The following CHCHD3 variants were observed in gnomAD, a reference collection of about 807,000 sequenced individuals.
CHCHD3 encodes the protein coiled-coil-helix-coiled-coil-helix domain containing 3.
Under a neutral mutation model 38.2 loss-of-function variants are expected in CHCHD3, and 20 were observed. The observed-to-expected ratio is 0.52, with a 90% confidence interval of 0.37 to 0.76. The LOEUF (loss-of-function observed/expected upper bound fraction) is 0.76, where lower values mean the gene tolerates loss of function less well. Among genes scored for constraint, CHCHD3 ranks in the 30% least tolerant of loss-of-function variants. CHCHD3 has a pLI of 0.00. For synonymous variants in CHCHD3, 82 were observed against 100.0 expected (o/e 0.82, Z 1.07); for missense variants, 245 against 279.2 (o/e 0.88, Z 0.87).
chr7:132,909,103 G>A (rs774955894), intron 4 of CHCHD3, among the ~76,000 whole-genome samples: 10 of 152,074 alleles, frequency 6.6e-5, no homozygotes, highest in East Asian at 1.9e-4. Context: ...CTGCCACACC[G>A]TGAAGAAGGA....
chr7:132,846,923 G>T (rs1442888397), intron 5 of CHCHD3, among the ~76,000 whole-genome samples: 1 of 152,224 alleles, frequency 6.6e-6, no homozygotes, highest in African/African-American at 2.4e-5. Context: ...TACAGTAACA[G>T]TTGAAGCTCG....
chr7:132,791,416 T>G lies in CHCHD3; in HGVS notation c.660+5026A>C, dbSNP rs188644198. 5.3e-5 allele frequency among the ~76,000 whole-genome samples: 8 copies of G among 152,308 alleles called. No homozygotes were observed. In the East Asian group the frequency reaches 1.5e-3, roughly 29 times the overall value. On this transcript the variant is annotated intron_variant, in intron 7 of 7. Transcript: ENST00000262570. ...TGCACATGAAAAAAATGAGGTTGGG[T>G]TATATGATCTCTAGGGTCCTTTTAG...
chr7:133,053,818 T>C (rs1293082137), intron 2 of CHCHD3, among the ~76,000 whole-genome samples: 2 of 152,244 alleles, frequency 1.3e-5, no homozygotes, highest in Non-Finnish European at 2.9e-5. Context: ...GTTAACTGCA[T>C]GATAAATACC....
intron 6 of CHCHD3, among the ~76,000 whole-genome samples, chr7:132,835,618 A>G (rs1468839203): frequency 6.6e-6 from 1 of 152,158 alleles, no homozygotes; most frequent in African/African-American, 2.4e-5. Context: ...AGATTTTTGC[A>G]TCTAAAATCC....
intron 5 of CHCHD3, among the ~76,000 whole-genome samples, chr7:132,844,601 T>G (rs1456146954): frequency 1.3e-5 from 2 of 152,220 alleles, no homozygotes; most frequent in African/African-American, 4.8e-5. Flanking sequence ...AATTTCTTTC[T>G]TTAAAACAGA....
Position 133,002,594 on chromosome 7 carries a change from T to TA in CHCHD3, c.251+21951dup, listed in dbSNP as rs992226453. Among the ~76,000 whole-genome samples, 514 of 145,458 alleles carry TA rather than the reference T, an allele frequency of 3.5e-3. 4 individuals are homozygous for TA. Among genetic ancestry groups the TA allele is most frequent in the African/African-American group, 0.011 (419 of 39,890 alleles). On this transcript the variant is annotated intron_variant, in intron 3 of 7. Coordinates refer to ENST00000262570, the MANE Select transcript of CHCHD3 (RefSeq NM_017812.4). Reference sequence around the variant, plus strand: ...TAACTTAGGTGAAGGTAAGCACTGTTAAAAAAAAAAACACTCATATAAAAA... The same window carrying TA: ...TAACTTAGGTGAAGGTAAGCACTGTTAAAAAAAAAAAACACTCATATAAAAA...
intron 5 of CHCHD3, among the ~76,000 whole-genome samples, chr7:132,865,375 G>T (rs753972213): frequency 6.6e-6 from 1 of 152,192 alleles, no homozygotes; most frequent in Non-Finnish European, 1.5e-5. Flanking sequence ...CCAGGAAGGA[G>T]AATTCACCCC....
intron 5 of CHCHD3, among the ~76,000 whole-genome samples, chr7:132,879,063 A>G (rs986442161): frequency 6.6e-6 from 1 of 152,222 alleles, no homozygotes; most frequent in Admixed American, 6.5e-5. Flanking sequence ...TCTTCAATAT[A>G]GTAAGCACAT....
At chr7:132,874,689 G>A (rs1808853730) in intron 5 of CHCHD3, among the ~76,000 whole-genome samples, 1 of 152,098 alleles carries the variant, frequency 6.6e-6, no homozygotes, top group Non-Finnish European at 1.5e-5. Context: ...ATCTTGACAT[G>A]GGAAGATCAA....
At chr7:132,822,009 G>A (rs930636342) in intron 6 of CHCHD3, among the ~76,000 whole-genome samples, 6 of 152,074 alleles carry the variant, frequency 3.9e-5, no homozygotes, top group African/African-American at 1.2e-4. Context: ...TGATCCACCC[G>A]CCTCGGCCTC....
At chr7:133,022,046 C>A (rs1312687186) in intron 3 of CHCHD3, among the ~76,000 whole-genome samples, 1 of 151,722 alleles carries the variant, frequency 6.6e-6, no homozygotes, top group Non-Finnish European at 1.5e-5. Flanking sequence ...GAGATCACAC[C>A]ACTGTACTCC....
chr7:132,845,541 C>A (rs903552288), intron 5 of CHCHD3, among the ~76,000 whole-genome samples: 2 of 152,072 alleles, frequency 1.3e-5, no homozygotes, highest in African/African-American at 4.8e-5. Flanking sequence ...AACTAACCAG[C>A]CCATATAAAA....
chr7:132,849,203 C>G (rs777219840), intron 5 of CHCHD3: 11 of 152,138 alleles, frequency 7.2e-5, no homozygotes, highest in Non-Finnish European at 1.0e-4. Context: ...TGCCAGCAAC[C>G]CTTGGCTCCC....
At chr7:132,851,831 C>G (rs1808225596) in intron 5 of CHCHD3, among the ~76,000 whole-genome samples, 1 of 152,304 alleles carries the variant, frequency 6.6e-6, no homozygotes, top group East Asian at 1.9e-4. Flanking sequence ...CACTGGATGG[C>G]TTTATACAGA....
At chr7:132,790,416 C>T (rs532691910) in intron 7 of CHCHD3, among the ~76,000 whole-genome samples, 3 of 152,048 alleles carry the variant, frequency 2.0e-5, no homozygotes, top group Admixed American at 1.3e-4. Flanking sequence ...GAAAATGTCA[C>T]GAAGCAACGA....
chr7:132,888,541 T>C (rs778093777), intron 4 of CHCHD3, among the ~76,000 whole-genome samples: 2 of 152,086 alleles, frequency 1.3e-5, no homozygotes, highest in Non-Finnish European at 2.9e-5. Context: ...ATTAATCTTC[T>C]TATGTGGCCA....
intron 2 of CHCHD3, among the ~76,000 whole-genome samples, chr7:133,040,627 T>C (rs756963475): frequency 3.3e-5 from 5 of 152,206 alleles, no homozygotes; most frequent in Non-Finnish European, 7.3e-5. Context: ...CTCAAATTCA[T>C]TGTTCTTTGT....
intron 2 of CHCHD3, among the ~76,000 whole-genome samples, chr7:133,058,366 A>G (rs553452215): frequency 6.6e-6 from 1 of 152,216 alleles, no homozygotes; most frequent in Non-Finnish European, 1.5e-5. Flanking sequence ...TTGGTCTCCC[A>G]AAGTGCTGGG....
rs146669910 is a variant in CHCHD3, at chr7:132,944,495, A to G, written c.369+30674T>C. Among the ~76,000 whole-genome samples the G allele has an allele frequency of 8.5e-5, 13 of 152,152 alleles. No homozygotes were observed. In the East Asian group the frequency reaches 2.5e-3, roughly 29 times the overall value. On this transcript the variant is annotated intron_variant, in intron 4 of 7. Coordinates refer to ENST00000262570, the MANE Select transcript of CHCHD3 (RefSeq NM_017812.4). ...TGGTCAAATATCCAAAATATACATT[A>G]AAAGAATAGCTGGAATATTAGTAAT...
Sources: allele counts gnomAD v4.1 joint callset (sites outside exome capture counted in the v4.1 genomes callset), GRCh38; gene constraint gnomAD v4.1.1; transcripts MANE v1.5; gene names NCBI Gene and HGNC (gene_info 2026-07-23, HGNC 2026-07-21).